The following FAM171B variants were observed in gnomAD, a reference collection of about 807,000 sequenced individuals.
The protein encoded by FAM171B is protein FAM171B.
In FAM171B, 19 loss-of-function variants were observed where a neutral mutation model predicts 75.6. The ratio of observed to expected loss-of-function variants is 0.25; its 90% CI spans 0.18 to 0.37. The LOEUF (loss-of-function observed/expected upper bound fraction) is 0.37. FAM171B is among the 10% of genes least tolerant of loss of function. The pLI is 1.00. For missense variants in FAM171B, 848 were observed against 982.4 expected (o/e 0.86, Z 1.83); for synonymous variants, 367 against 361.7 (o/e 1.01, Z -0.17).
At chr2:186,701,863 A>G (rs1689666720) in intron 1 of FAM171B, among the ~76,000 whole-genome samples, 1 of 152,206 alleles carries the variant, frequency 6.6e-6, no homozygotes. Flanking sequence ...ATAAATATTG[A>G]ACTTGATTCT....
intron 1 of FAM171B, among the ~76,000 whole-genome samples, chr2:186,703,250 A>C (rs1329261130): frequency 6.6e-6 from 1 of 151,982 alleles, no homozygotes; most frequent in African/African-American, 2.4e-5. Context: ...TGGACAAATT[A>C]TGTATTTTTA....
intron 6 of FAM171B, among the ~76,000 whole-genome samples, chr2:186,756,509 GT>G (rs1313530605): frequency 1.3e-5 from 2 of 152,280 alleles, no homozygotes; most frequent in African/African-American, 4.8e-5. Context: ...CGTTTTCACA[GT>G]CTGGAGGCTA....
chr2:186,761,287 C>T, intron 7 of FAM171B, 51 bp downstream of exon 7: 1 of 1,594,748 alleles, frequency 6.3e-7, no homozygotes, highest in Non-Finnish European at 8.5e-7. Flanking sequence ...GGTATCATTT[C>T]AGTATATTCT....
At chr2:186,721,270 G>T (rs546899207) in intron 1 of FAM171B, among the ~76,000 whole-genome samples, 1 of 152,254 alleles carries the variant, frequency 6.6e-6, no homozygotes. Flanking sequence ...TGTGGCAAAA[G>T]GTTAGTCTCC....
intron 1 of FAM171B, among the ~76,000 whole-genome samples, chr2:186,737,670 G>T (rs543912900): frequency 7.0e-4 from 107 of 152,222 alleles, no homozygotes; most frequent in African/African-American, 2.4e-3. Context: ...AATGGATAAG[G>T]CTTTTTGATA....
chr2:186,758,121 G>T (rs1028376448), intron 6 of FAM171B, among the ~76,000 whole-genome samples: 1 of 132,180 alleles, frequency 7.6e-6, no homozygotes, highest in African/African-American at 2.8e-5. Context: ...GTGGTATAGC[G>T]AAAACTGAGT....
rs1221035672 is a variant in FAM171B at position 186,731,355 on chromosome 2, A to G, written c.239-8873A>G. 3.3e-5 allele frequency among the ~76,000 whole-genome samples: 5 copies of G among 152,248 alleles called. No homozygotes were observed. In the South Asian group the frequency reaches 8.3e-4, roughly 25 times the overall value. On this transcript the variant is annotated intron_variant, in intron 1 of 7. Transcript: ENST00000304698. Reference sequence around the variant, plus strand: ...GAAGGAGAGGGACTAGGGAAGCACTAGAAAGCACAATGGTAAGGCCTCATA... The same window carrying G: ...GAAGGAGAGGGACTAGGGAAGCACTGGAAAGCACAATGGTAAGGCCTCATA...
intron 1 of FAM171B, among the ~76,000 whole-genome samples, chr2:186,725,099 CTT>C (rs1045813009): frequency 1.3e-5 from 2 of 152,176 alleles, no homozygotes; most frequent in Non-Finnish European, 2.9e-5. Flanking sequence ...AATCCCATCA[CTT>C]TGGGAGGCCG....
chr2:186,725,720 G>T (rs981374856), intron 1 of FAM171B, among the ~76,000 whole-genome samples: 4 of 152,126 alleles, frequency 2.6e-5, no homozygotes, highest in Non-Finnish European at 5.9e-5. Flanking sequence ...TTCCTCACTG[G>T]GCTGAAGGCT....
At chr2:186,724,874 T>C (rs1306853424) in intron 1 of FAM171B, among the ~76,000 whole-genome samples, 2 of 152,128 alleles carry the variant, frequency 1.3e-5, no homozygotes, top group Admixed American at 6.5e-5. Flanking sequence ...GAAAAGGACA[T>C]TGAGTGCAGA....
At chr2:186,708,093 T>TA (rs1689758500) in intron 1 of FAM171B, among the ~76,000 whole-genome samples, 1 of 152,150 alleles carries the variant, frequency 6.6e-6, no homozygotes, top group Non-Finnish European at 1.5e-5. Flanking sequence ...TCGGTATAGA[T>TA]AATTATTTGG....
intron 1 of FAM171B, among the ~76,000 whole-genome samples, chr2:186,720,700 C>CATTAAAAAAAAAAAA (rs1689939767): frequency 9.1e-6 from 1 of 110,250 alleles, no homozygotes; most frequent in Non-Finnish European, 1.8e-5. Context: ...AGATCATGTA[C>CATTAAAAAAAAAAAA]AAAAAAAAAA....
intron 1 of FAM171B, among the ~76,000 whole-genome samples, chr2:186,702,868 T>A (rs1215093144): frequency 1.2e-4 from 19 of 152,072 alleles, no homozygotes; most frequent in Admixed American, 1.2e-3. Flanking sequence ...TAAAATTAAT[T>A]TCATTTATAT....
intron 1 of FAM171B, among the ~76,000 whole-genome samples, chr2:186,696,125 G>A (rs1299903769): frequency 6.6e-6 from 1 of 151,974 alleles, no homozygotes; most frequent in African/African-American, 2.4e-5. Flanking sequence ...CTGATTGTCT[G>A]GGAAATTAGC....
intron 5 of FAM171B, among the ~76,000 whole-genome samples, chr2:186,751,947 C>G (rs1370951611): frequency 6.6e-6 from 1 of 152,130 alleles, no homozygotes; most frequent in African/African-American, 2.4e-5. Flanking sequence ...GTGAGTCATG[C>G]TACAGTCTAG....
intron 1 of FAM171B, among the ~76,000 whole-genome samples, chr2:186,736,645 CTTTTTTTT>C (rs71396886): frequency 6.0e-5 from 3 of 50,204 alleles, no homozygotes; most frequent in African/African-American, 2.5e-4. Flanking sequence ...GGGATCAGAG[CTTTTTTTT>C]TTTTTTTTTT....
intron 4 of FAM171B, among the ~76,000 whole-genome samples, chr2:186,750,203 T>G (rs1369150068): frequency 6.6e-6 from 1 of 152,188 alleles, no homozygotes; most frequent in Non-Finnish European, 1.5e-5. Context: ...ACATCTGTAA[T>G]AGTTTTATTC....
At chr2:186,730,871 T>TA (rs1690104673) in intron 1 of FAM171B, among the ~76,000 whole-genome samples, 1 of 152,218 alleles carries the variant, frequency 6.6e-6, no homozygotes, top group Non-Finnish European at 1.5e-5. Flanking sequence ...CTTAAGATCT[T>TA]ACCACACATT....
At chr2:186,695,747 T>C (rs543270110) in intron 1 of FAM171B, among the ~76,000 whole-genome samples, 5 of 152,302 alleles carry the variant, frequency 3.3e-5, no homozygotes, top group Admixed American at 1.3e-4. Flanking sequence ...CAGTGTATGG[T>C]GGTTTTCCTA....
Sources: gnomAD v4.1 joint callset for allele counts (sites outside exome capture counted in the v4.1 genomes callset) on GRCh38, gnomAD v4.1.1 for gene constraint, MANE v1.5 for transcripts, NCBI Gene and HGNC (gene_info 2026-07-23, HGNC 2026-07-21) for gene names.